Variants in TMCO6 observed in about 807,000 individuals in gnomAD.
The protein encoded by TMCO6 is transmembrane and coiled-coil domains 6.
A neutral mutation model predicts 61.8 loss-of-function variants in TMCO6; 47 were observed. The observed-to-expected ratio is 0.76, with a 90% confidence interval of 0.60 to 0.97. The LOEUF (loss-of-function observed/expected upper bound fraction) is 0.97, where lower values mean the gene tolerates loss of function less well. Ranked by LOEUF, TMCO6 falls within the 50% of genes least tolerant of loss-of-function variation. The pLI, the probability that TMCO6 is intolerant of heterozygous loss-of-function variation, is 0.00. For synonymous variants in TMCO6, 261 were observed against 254.2 expected (o/e 1.03, Z -0.25); for missense variants, 557 against 601.6 (o/e 0.93, Z 0.78).
downstream of TMCO6, among the ~76,000 whole-genome samples, chr5:140,646,009 CTTTTT>C (rs5871744): frequency 8.9e-5 from 11 of 124,120 alleles, no homozygotes; most frequent in East Asian, 2.1e-3. Context: ...CATTCTCTCT[CTTTTT>C]TTTTTTTTTT....
the TMCO6 span, among the ~76,000 whole-genome samples, chr5:140,614,631 G>A: frequency 9.8e-5 from 14 of 142,344 alleles, no homozygotes; most frequent in Admixed American, 3.5e-4. Flanking sequence ...TTTTTTTTTC[G>A]AGACAGAGTC....
chr5:140,598,807 G>A, the TMCO6 span, among the ~76,000 whole-genome samples: 1 of 152,092 alleles, frequency 6.6e-6, no homozygotes, highest in African/African-American at 2.4e-5. Flanking sequence ...GTGGTGGCAG[G>A]CGACTGTAAT....
the TMCO6 span, among the ~76,000 whole-genome samples, chr5:140,628,969 C>T: frequency 1.3e-5 from 2 of 152,080 alleles, no homozygotes; most frequent in Admixed American, 1.3e-4. Flanking sequence ...GGTTACAATC[C>T]AAACAGTTAA....
At chr5:140,647,402 G>T, downstream of TMCO6, 1 of 1,611,058 alleles carries the variant, frequency 6.2e-7, no homozygotes, top group Middle Eastern at 1.7e-4. Context: ...CTGTGGGCGG[G>T]GGCTTCCCTC....
Position 140,642,014 on chromosome 5 carries a change from C to A in TMCO6, c.459C>A (p.Tyr153Ter), listed in dbSNP as rs200904107. Residue 153 changes from tyrosine to a stop codon, truncating the protein, a stop_gained, in exon 4 of 12, where the codon TAC becomes TAA. Transcript: ENST00000394671. LOFTEE classifies it high-confidence loss of function. Reference sequence around the variant, plus strand: ...AGGCCTGCCTGCCAGCCACTTCTTACCTCCTCACCTACCTCTCCAGTCACA... The same window carrying A: ...AGGCCTGCCTGCCAGCCACTTCTTAACTCCTCACCTACCTCTCCAGTCACA... ...VAEACLPATS[Y>*]LLTYLSSHSS... 34 of 1,612,530 alleles carry A rather than the reference C, an allele frequency of 2.1e-5. No homozygotes were observed. The highest frequency in any genetic ancestry group is 2.7e-5 in the Non-Finnish European group (32 of 1,178,734).
At chr5:140,631,031 GT>G in the TMCO6 span, among the ~76,000 whole-genome samples, 1 of 152,222 alleles carries the variant, frequency 6.6e-6, no homozygotes, top group South Asian at 2.1e-4. Flanking sequence ...TTATTCTGAA[GT>G]TTTGAAGAGT....
downstream of TMCO6, chr5:140,647,139 G>C: frequency 9.0e-7 from 1 of 1,117,030 alleles, no homozygotes; most frequent in Non-Finnish European, 1.2e-6. Flanking sequence ...CAACAGCAAG[G>C]CTAAAGTCCG....
At chr5:140,611,824 G>A in the TMCO6 span, among the ~76,000 whole-genome samples, 1 of 152,090 alleles carries the variant, frequency 6.6e-6, no homozygotes, top group Non-Finnish European at 1.5e-5. Flanking sequence ...AATATCATAT[G>A]TAAAAAAGAA....
the TMCO6 span, among the ~76,000 whole-genome samples, chr5:140,608,501 T>C: frequency 6.6e-6 from 1 of 152,234 alleles, no homozygotes; most frequent in African/African-American, 2.4e-5. Context: ...AAGCTTTTAA[T>C]TTTGAATTCC....
At position 140,639,495 on chromosome 5, in the gene TMCO6, T is replaced by A; in HGVS notation, c.-33T>A. On this transcript the variant is annotated 5_prime_UTR_variant, in exon 1 of 12. Coordinates refer to ENST00000394671, the MANE Select transcript of TMCO6 (RefSeq NM_018502.5). ...ACGCCCCTGGGAGCGTTGTGGCTGC[T>A]GTTTCCTTCGGCTTTCCTCCTCCTG... is the stretch of plus-strand genomic sequence containing the variant. 2 of 1,545,502 alleles carry A rather than the reference T, an allele frequency of 1.3e-6. No individual in the cohort carries two copies. Among genetic ancestry groups the A allele is most frequent in the Non-Finnish European group, 1.7e-6 (2 of 1,143,254 alleles).
chr5:140,638,470 GT>G (rs1756830976), upstream of TMCO6, among the ~76,000 whole-genome samples: 1 of 152,082 alleles, frequency 6.6e-6, no homozygotes, highest in African/African-American at 2.4e-5. Context: ...AAAAGTGTGT[GT>G]GGGGGGGAGT....
intron 2 of TMCO6, 190 bp from the exon 3 acceptor site, chr5:140,641,475 A>G (rs1408582397): frequency 3.4e-6 from 2 of 587,604 alleles, no homozygotes; most frequent in Non-Finnish European, 6.2e-6. Flanking sequence ...AGTGGCAGGT[A>G]TGGTATTAGA....
At chr5:140,618,325 A>G in the TMCO6 span, among the ~76,000 whole-genome samples, 153 of 152,210 alleles carry the variant, frequency 1.0e-3, no homozygotes, top group African/African-American at 3.6e-3. Context: ...GCTATTTGGG[A>G]GGCTGAGACA....
At chr5:140,644,030 G>C in intron 9 of TMCO6, 64 bp downstream of exon 9, 7 of 1,613,080 alleles carry the variant, frequency 4.3e-6, no homozygotes, top group Non-Finnish European at 5.9e-6. Flanking sequence ...TCATGGCCTA[G>C]GCTGAGGTGG....
In TMCO6 at chr5:140,645,227, T is replaced by A. The variant is rs916010394; in HGVS notation, c.*129T>A. ...TGCTCCCACACCTAAGCCAAGACCT[T>A]TGGGTCCCAGCTCCTCCCCTTCCAC... On this transcript the variant is annotated 3_prime_UTR_variant, in exon 12 of 12. Transcript: ENST00000394671. 4.2e-6 allele frequency: 4 copies of A among 946,260 alleles called. No individual in the cohort carries two copies. The South Asian group carries it at 6.0e-5, about 14-fold the overall frequency. The allele number at this position is 946,260 out of a possible 1,614,324, so 58.6% of individuals were successfully genotyped here.
At position 140,642,657 on chromosome 5, in the gene TMCO6, A is replaced by G. The variant is rs754101301; in HGVS notation, c.675A>G (p.Pro225=). The G allele has an allele frequency of 1.5e-5, 25 of 1,614,116 alleles. No individual in the cohort carries two copies. The South Asian group carries it at 2.6e-4, about 17-fold the overall frequency. ...LSQLLQAEEA[P]EKIIPSILAS... ...AGCTTCTACAGGCTGAGGAAGCTCC[A>G]GAGAAGATCATTCCGTGAGTAAAAT... Residue 225 remains proline (P), a synonymous_variant, in exon 6 of 12, where the codon CCA becomes CCG. Coordinates refer to ENST00000394671, the MANE Select transcript of TMCO6 (RefSeq NM_018502.5).
At chr5:140,637,565 C>T (rs957511624), upstream of TMCO6, among the ~76,000 whole-genome samples, 4 of 152,130 alleles carry the variant, frequency 2.6e-5, no homozygotes, top group Admixed American at 6.5e-5. Context: ...AAAATTAAAC[C>T]CGAGTGACCG....
the TMCO6 span, among the ~76,000 whole-genome samples, chr5:140,624,062 AC>A: frequency 4.6e-5 from 7 of 152,082 alleles, no homozygotes; most frequent in Admixed American, 3.3e-4. Context: ...AATAAAATTC[AC>A]CCTTTTAAAG....
At chr5:140,636,568 G>C (rs1756775739), upstream of TMCO6, among the ~76,000 whole-genome samples, 1 of 152,024 alleles carries the variant, frequency 6.6e-6, no homozygotes, top group Non-Finnish European at 1.5e-5. Context: ...AAAGAAGCCA[G>C]ACAGTTGCAT....
Sources: allele counts gnomAD v4.1 joint callset (sites outside exome capture counted in the v4.1 genomes callset), GRCh38; gene constraint gnomAD v4.1.1; transcripts MANE v1.5; gene names NCBI Gene and HGNC (gene_info 2026-07-23, HGNC 2026-07-21).